DPP6: variants seen among roughly 807,000 people sequenced by gnomAD.
The protein encoded by DPP6 is A-type potassium channel modulatory protein DPP6.
DPP6 carries 69 observed loss-of-function variants against 122.6 expected under a neutral mutation model. The ratio of observed to expected loss-of-function variants is 0.56; its 90% CI spans 0.46 to 0.69. The LOEUF is 0.69. DPP6 is among the 30% of genes least tolerant of loss of function. DPP6 has a pLI of 0.00. For missense variants in DPP6, 928 were observed against 1,116.9 expected (o/e 0.83, Z 2.41); for synonymous variants, 418 against 433.1 (o/e 0.97, Z 0.43).
chr7:154,331,520 C>T (rs1220146967), intron 1 of DPP6, among the ~76,000 whole-genome samples: 1 of 152,166 alleles, frequency 6.6e-6, no homozygotes, highest in East Asian at 1.9e-4. Context: ...AGCTGATGGT[C>T]ACACTCATCT....
chr7:153,932,351 C>T (rs909155171), intron 1 of DPP6, among the ~76,000 whole-genome samples: 2 of 152,034 alleles, frequency 1.3e-5, no homozygotes, highest in African/African-American at 4.8e-5. Context: ...AAACTCCTGA[C>T]CTCAGGTGAT....
intron 1 of DPP6, among the ~76,000 whole-genome samples, chr7:154,205,219 C>G (rs898127365): frequency 2.0e-5 from 3 of 152,006 alleles, no homozygotes; most frequent in South Asian, 2.1e-4. Flanking sequence ...AGAGAGAGCC[C>G]TTGTACCCTT....
At chr7:153,966,287 T>TCCTGTTTGTG (rs1450455497) in intron 1 of DPP6, among the ~76,000 whole-genome samples, 1 of 151,408 alleles carries the variant, frequency 6.6e-6, no homozygotes, top group Admixed American at 6.6e-5. Context: ...GTGCACGTGT[T>TCCTGTTTGTG]CATGTTTGTG....
At position 154,553,064 on chromosome 7, in the gene DPP6, C is replaced by G. The variant is rs182515378; in HGVS notation, c.552+12438C>G. Among the ~76,000 whole-genome samples the G allele has an allele frequency of 7.4e-4, 113 of 152,276 alleles. 1 individual carries two copies. Among genetic ancestry groups the G allele is most frequent in the Non-Finnish European group, 1.4e-3 (93 of 68,024 alleles). ...TTTTTGAGCTGGTTAGAATTTAAAGCCACCGTGCTTTAGGAAAATAACTGT... is the reference window on the plus strand; with the variant it reads ...TTTTTGAGCTGGTTAGAATTTAAAGGCACCGTGCTTTAGGAAAATAACTGT... On this transcript the variant is annotated intron_variant, in intron 4 of 25. Coordinates refer to ENST00000377770, the MANE Select transcript of DPP6 (RefSeq NM_130797.4).
intron 8 of DPP6, among the ~76,000 whole-genome samples, chr7:154,733,445 G>C (rs1842432303): frequency 6.6e-6 from 1 of 152,220 alleles, no homozygotes; most frequent in South Asian, 2.1e-4. Context: ...GGCAAGGCCT[G>C]CTTTGCACTT....
At chr7:154,673,278 G>A (rs1838681666) in intron 7 of DPP6, among the ~76,000 whole-genome samples, 1 of 152,198 alleles carries the variant, frequency 6.6e-6, no homozygotes, top group Non-Finnish European at 1.5e-5. Flanking sequence ...CTGCAGTTGA[G>A]GTTTGCAAAG....
chr7:154,287,175 C>T (rs1341425050), intron 1 of DPP6, among the ~76,000 whole-genome samples: 1 of 152,192 alleles, frequency 6.6e-6, no homozygotes, highest in African/African-American at 2.4e-5. Flanking sequence ...TGGCTCCCAA[C>T]AGGAAGACAT....
intron 2 of DPP6, 98 bp downstream of exon 2, chr7:154,446,426 T>G: frequency 1.4e-6 from 1 of 717,362 alleles, no homozygotes; most frequent in Middle Eastern, 2.5e-4. Context: ...ATTACATAAT[T>G]TATTTTTCCC....
intron 1 of DPP6, chr7:154,055,926 C>T (rs1029687837): frequency 6.6e-6 from 1 of 152,200 alleles, no homozygotes; most frequent in Non-Finnish European, 1.5e-5. Context: ...GTCCTTCTGT[C>T]TGGAAATTGA....
At chr7:154,476,290 C>T (rs1252605943) in intron 3 of DPP6, among the ~76,000 whole-genome samples, 1 of 152,186 alleles carries the variant, frequency 6.6e-6, no homozygotes, top group Admixed American at 6.5e-5. Context: ...ACCAAGGGCA[C>T]ACAGAAATTA....
chr7:154,791,196 G>T (rs949756957), intron 10 of DPP6, among the ~76,000 whole-genome samples: 3 of 152,116 alleles, frequency 2.0e-5, no homozygotes, highest in African/African-American at 7.2e-5. Context: ...AGGTTGCAGT[G>T]AGCCAAGATA....
In DPP6 at chr7:154,633,199, A is replaced by G. The variant is rs1297524588; in HGVS notation, c.628-4622A>G. Among the ~76,000 whole-genome samples the G allele has an allele frequency of 3.9e-5, 6 of 152,174 alleles. No individual in the cohort carries two copies. The East Asian group carries it at 1.2e-3, about 29-fold the overall frequency. ...CTTTGTATTTTTTATGATCAGAAAT[A>G]TTTAGTCTATTTTATTTTTTATTTT... On this transcript the variant is annotated intron_variant, in intron 5 of 25. Coordinates refer to ENST00000377770, the MANE Select transcript of DPP6 (RefSeq NM_130797.4).
intron 1 of DPP6, among the ~76,000 whole-genome samples, chr7:154,185,716 A>G (rs1798319825): frequency 6.6e-6 from 1 of 152,172 alleles, no homozygotes; most frequent in African/African-American, 2.4e-5. Flanking sequence ...CTGTTGCTCT[A>G]AGTCATTTGA....
chr7:154,666,585 C>T (rs899492123), intron 6 of DPP6, among the ~76,000 whole-genome samples: 1 of 152,038 alleles, frequency 6.6e-6, no homozygotes, highest in African/African-American at 2.4e-5. Context: ...TACTCTGCAA[C>T]AGATCTCAAA....
intron 1 of DPP6, among the ~76,000 whole-genome samples, chr7:154,356,594 C>T (rs1386135362): frequency 1.3e-5 from 2 of 151,856 alleles, no homozygotes; most frequent in African/African-American, 4.8e-5. Flanking sequence ...AAAAAAAATT[C>T]TAACTTATTA....
Position 154,148,161 on chromosome 7 carries a change from T to C in DPP6, c.243+95098T>C, listed in dbSNP as rs369067702. Among the ~76,000 whole-genome samples, 13 of 143,306 alleles carry C rather than the reference T, an allele frequency of 9.1e-5. No individual in the cohort carries two copies. In the East Asian group the frequency reaches 2.6e-3, roughly 29 times the overall value. 94.0% of individuals were successfully genotyped at this position (143,306 alleles called of 152,430 possible). A position where few individuals can be genotyped will look rare whatever the true frequency, so the allele number is the denominator to read the frequency against. ...TGTGGCCCGCAAAGTCTGAAGGGAG[T>C]CACCTCCTTCAAATCCACTGAGCAA... On this transcript the variant is annotated intron_variant, in intron 1 of 25. Coordinates refer to ENST00000377770, the MANE Select transcript of DPP6 (RefSeq NM_130797.4).
At chr7:154,186,786 C>T (rs1798374720) in intron 1 of DPP6, among the ~76,000 whole-genome samples, 1 of 152,214 alleles carries the variant, frequency 6.6e-6, no homozygotes, top group South Asian at 2.1e-4. Context: ...CTGAATTATT[C>T]ATTCTGTTTT....
At chr7:153,991,980 G>A (rs1011340453) in intron 1 of DPP6, among the ~76,000 whole-genome samples, 1 of 152,038 alleles carries the variant, frequency 6.6e-6, no homozygotes, top group African/African-American at 2.4e-5. Context: ...GCTGGCATCT[G>A]GCAAGGGCCA....
chr7:154,269,585 C>G (rs935364134), intron 1 of DPP6, among the ~76,000 whole-genome samples: 1 of 152,178 alleles, frequency 6.6e-6, no homozygotes, highest in African/African-American at 2.4e-5. Context: ...ATTTGCTGTC[C>G]TGACTTTGCT....
Sources: gnomAD v4.1 joint callset for allele counts (sites outside exome capture counted in the v4.1 genomes callset) on GRCh38, gnomAD v4.1.1 for gene constraint, MANE v1.5 for transcripts, NCBI Gene and HGNC (gene_info 2026-07-23, HGNC 2026-07-21) for gene names.